TRPC7: variants seen among roughly 807,000 people sequenced by gnomAD.
TRPC7 encodes transient receptor potential cation channel subfamily C member 7, also known as short transient receptor potential channel 7.
In TRPC7, 42 loss-of-function variants were observed where a neutral mutation model predicts 90.1. The observed-to-expected ratio is 0.47, with a 90% CI of 0.36 to 0.60. The LOEUF is 0.60. Among genes scored for constraint, TRPC7 ranks in the 20% least tolerant of loss-of-function variants. The probability of loss-of-function intolerance (pLI) is 0.00; values close to 1 mark genes in which losing one functional copy is unlikely to be tolerated. For synonymous variants in TRPC7, 451 were observed against 436.3 expected, an observed-to-expected ratio of 1.03 and a Z score of -0.42; for missense variants, 955 against 1,112.3, an observed-to-expected ratio of 0.86 and a Z score of 2.01.
intron 10 of TRPC7, among the ~76,000 whole-genome samples, chr5:136,223,215 A>C (rs1448409215): frequency 6.6e-6 from 1 of 152,256 alleles, no homozygotes; most frequent in Non-Finnish European, 1.5e-5. Flanking sequence ...GTAGATGACC[A>C]ATCTCTGTAA....
chr5:136,233,676 T>G (rs1251983609), intron 7 of TRPC7, among the ~76,000 whole-genome samples: 2 of 152,182 alleles, frequency 1.3e-5, no homozygotes, highest in Non-Finnish European at 2.9e-5. Flanking sequence ...AACAAAGGAA[T>G]GGATCATACT....
chr5:136,296,009 C>G (rs138170863), intron 3 of TRPC7, among the ~76,000 whole-genome samples: 2 of 152,238 alleles, frequency 1.3e-5, no homozygotes, highest in East Asian at 3.9e-4. Flanking sequence ...ATATCATTAA[C>G]TTGGCCACAA....
intron 4 of TRPC7, among the ~76,000 whole-genome samples, chr5:136,271,501 A>T (rs188672785): frequency 1.0e-3 from 159 of 152,348 alleles, no homozygotes; most frequent in African/African-American, 3.8e-3. Context: ...TCAGAATAGG[A>T]TAGCAAAGGA....
chr5:136,278,846 GC>G (rs1175415585), intron 3 of TRPC7, among the ~76,000 whole-genome samples: 1 of 152,052 alleles, frequency 6.6e-6, no homozygotes, highest in Non-Finnish European at 1.5e-5. Flanking sequence ...CTCCTTCATT[GC>G]TTGGAGATTC....
At chr5:136,285,968 C>A (rs1580900772) in intron 3 of TRPC7, among the ~76,000 whole-genome samples, 1 of 152,144 alleles carries the variant, frequency 6.6e-6, no homozygotes, top group African/African-American at 2.4e-5. Context: ...CACTTGGCAA[C>A]CACTAGAGTT....
intron 5 of TRPC7, among the ~76,000 whole-genome samples, chr5:136,252,853 A>T (rs1756566354): frequency 6.6e-6 from 1 of 152,182 alleles, no homozygotes; most frequent in South Asian, 2.1e-4. Flanking sequence ...TCGATTCCTA[A>T]CAGGCCACAG....
chr5:136,290,480 A>T lies in TRPC7; in HGVS notation c.964-15643T>A, dbSNP rs1379501176. Reference sequence around the variant, plus strand: ...TGGAGCTGAAAACCACGGCATGAGAACTATGTGACAAATGCGCAAGCCTCA... The same window carrying T: ...TGGAGCTGAAAACCACGGCATGAGATCTATGTGACAAATGCGCAAGCCTCA... On this transcript the variant is annotated intron_variant, in intron 3 of 11. Coordinates refer to ENST00000513104, the MANE Select transcript of TRPC7 (RefSeq NM_020389.3). Among the ~76,000 whole-genome samples the T allele has an allele frequency of 2.0e-5, 3 of 152,366 alleles. No homozygotes were observed. In the South Asian group the frequency reaches 6.2e-4, roughly 32 times the overall value.
At chr5:136,280,656 AAT>A (rs1462712126) in intron 3 of TRPC7, among the ~76,000 whole-genome samples, 1 of 152,234 alleles carries the variant, frequency 6.6e-6, no homozygotes, top group African/African-American at 2.4e-5. Flanking sequence ...AAAATATTGA[AAT>A]ATGAGTCCAA....
In TRPC7 at chr5:136,213,253, T is replaced by G; in HGVS notation, c.*182A>C. ...ACCCAACCACCTAGATTCACAGCAG[T>G]TCTGGGTCTAGGCAGGCCAGCGGGC... On this transcript the variant is annotated 3_prime_UTR_variant, in exon 12 of 12. Coordinates refer to ENST00000513104, the MANE Select transcript of TRPC7 (RefSeq NM_020389.3). 1 of 635,236 alleles carries G rather than the reference T, an allele frequency of 1.6e-6. No individual in the cohort carries two copies. The allele number at this position is 635,236 out of a possible 1,614,324, so 39.3% of individuals were successfully genotyped here.
At chr5:136,214,607 T>G (rs1049483290) in intron 11 of TRPC7, among the ~76,000 whole-genome samples, 1 of 152,178 alleles carries the variant, frequency 6.6e-6, no homozygotes, top group Admixed American at 6.5e-5. Context: ...ATGAATCAGT[T>G]ACATACTGCT....
chr5:136,361,435 C>T (rs186133604), intron 1 of TRPC7, among the ~76,000 whole-genome samples: 273 of 152,212 alleles, frequency 1.8e-3, no homozygotes, highest in Admixed American at 4.1e-3. Flanking sequence ...TTATTTTTAT[C>T]AAGCTGCTCT....
chr5:136,298,198 C>T (rs1758249774), intron 3 of TRPC7, among the ~76,000 whole-genome samples: 1 of 152,092 alleles, frequency 6.6e-6, no homozygotes, highest in East Asian at 1.9e-4. Flanking sequence ...TCAGGAGGTC[C>T]CTCTGAGAAG....
intron 2 of TRPC7, among the ~76,000 whole-genome samples, chr5:136,330,086 G>A (rs975913664): frequency 1.3e-5 from 2 of 152,188 alleles, no homozygotes; most frequent in African/African-American, 4.8e-5. Context: ...TGAGTTGAAA[G>A]AGAAAGAGGG....
At chr5:136,323,030 G>A (rs13174833) in intron 2 of TRPC7, among the ~76,000 whole-genome samples, 13,176 of 152,278 alleles carry the variant, frequency 0.087, 723 homozygotes, top group Non-Finnish European at 0.13. Context: ...ATCTTGACTT[G>A]TAGCTCCCAT....
At chr5:136,326,877 T>C (rs111552521) in intron 2 of TRPC7, among the ~76,000 whole-genome samples, 8 of 152,020 alleles carry the variant, frequency 5.3e-5, no homozygotes, top group African/African-American at 1.9e-4. Flanking sequence ...AGGACTTTGA[T>C]GGGGAGAGGG....
intron 2 of TRPC7, among the ~76,000 whole-genome samples, chr5:136,337,181 A>C (rs1463192788): frequency 6.6e-6 from 1 of 152,224 alleles, no homozygotes. Context: ...CTACCATGAG[A>C]AAACTCCTCA....
intron 3 of TRPC7, among the ~76,000 whole-genome samples, chr5:136,307,562 G>T (rs1377024609): frequency 6.6e-6 from 1 of 152,184 alleles, no homozygotes; most frequent in Non-Finnish European, 1.5e-5. Context: ...AGAGGTTATA[G>T]CCTGGATCCT....
At chr5:136,252,126 T>C (rs1053676899) in intron 5 of TRPC7, among the ~76,000 whole-genome samples, 3 of 152,170 alleles carry the variant, frequency 2.0e-5, no homozygotes, top group Non-Finnish European at 4.4e-5. Flanking sequence ...TTTCATTCGT[T>C]GATAGATTCT....
chr5:136,317,895 A>G (rs1448904301), intron 2 of TRPC7, among the ~76,000 whole-genome samples: 2 of 152,212 alleles, frequency 1.3e-5, no homozygotes, highest in Admixed American at 6.5e-5. Context: ...GGTTCAGTGC[A>G]GTTCAGAACA....
Sources: gnomAD v4.1 joint callset for allele counts (sites outside exome capture counted in the v4.1 genomes callset) on GRCh38, gnomAD v4.1.1 for gene constraint, MANE v1.5 for transcripts, NCBI Gene and HGNC (gene_info 2026-07-23, HGNC 2026-07-21) for gene names.